The following ABTB3 variants were observed in gnomAD, a reference collection of about 807,000 sequenced individuals.
ABTB3 encodes ankyrin repeat- and BTB/POZ domain-containing protein 3.
the ABTB3 span, among the ~76,000 whole-genome samples, chr12:107,512,577 T>C: frequency 6.6e-6 from 1 of 152,200 alleles, no homozygotes. Context: ...GATCCAGCTG[T>C]CTATGTATGA....
chr12:107,433,247 G>A, the ABTB3 span, among the ~76,000 whole-genome samples: 18 of 132,120 alleles, frequency 1.4e-4, no homozygotes, highest in African/African-American at 4.4e-4. Context: ...CCGAGATTGC[G>A]CCACTGCAGT....
At chr12:107,615,264 A>G in the ABTB3 span, 7 of 853,714 alleles carry the variant, frequency 8.2e-6, no homozygotes, top group Non-Finnish European at 1.1e-5. Flanking sequence ...AGACATTCAT[A>G]TTGGTTAACT....
the ABTB3 span, chr12:107,319,770 GC>G: frequency 6.8e-7 from 1 of 1,478,442 alleles, no homozygotes; most frequent in Non-Finnish European, 9.0e-7. Flanking sequence ...CCGAGCTCGG[GC>G]CCTGGTGCGG....
chr12:107,518,840 A>G, the ABTB3 span, among the ~76,000 whole-genome samples: 10 of 141,696 alleles, frequency 7.1e-5, no homozygotes, highest in Non-Finnish European at 1.2e-4. Flanking sequence ...CAAATACTTA[A>G]TACTTGTTCT....
chr12:107,512,460 G>C, the ABTB3 span, among the ~76,000 whole-genome samples: 2 of 152,186 alleles, frequency 1.3e-5, no homozygotes, highest in Non-Finnish European at 2.9e-5. Flanking sequence ...GAGGTTAATG[G>C]TATTTCAGCA....
chr12:107,450,429 A>G, the ABTB3 span, among the ~76,000 whole-genome samples: 453 of 152,280 alleles, frequency 3.0e-3, 2 homozygotes, highest in Non-Finnish European at 5.5e-3. Context: ...GATGGAGTGC[A>G]GAAGCTTCTA....
the ABTB3 span, among the ~76,000 whole-genome samples, chr12:107,609,216 G>A: frequency 2.0e-5 from 3 of 152,194 alleles, no homozygotes; most frequent in Non-Finnish European, 2.9e-5. Flanking sequence ...GGGCCCCAAG[G>A]CAGGGATGGT....
chr12:107,318,708 G>A, the ABTB3 span: 1 of 492,332 alleles, frequency 2.0e-6, no homozygotes, highest in East Asian at 3.2e-5. Flanking sequence ...GCTCCCCATT[G>A]CGCCCAGCTC....
chr12:107,634,408 C>T, the ABTB3 span, among the ~76,000 whole-genome samples: 1 of 151,110 alleles, frequency 6.6e-6, no homozygotes, highest in Non-Finnish European at 1.5e-5. Context: ...TCTGTCAATC[C>T]AAATATATTT....
the ABTB3 span, among the ~76,000 whole-genome samples, chr12:107,514,224 C>G: frequency 6.6e-6 from 1 of 152,342 alleles, no homozygotes; most frequent in African/African-American, 2.4e-5. Flanking sequence ...TGCTCTACCC[C>G]ACCTTGCCGC....
the ABTB3 span, among the ~76,000 whole-genome samples, chr12:107,605,247 G>T: frequency 4.6e-5 from 7 of 152,162 alleles, no homozygotes. Context: ...GGCACTGATG[G>T]GTATACAATA....
At chr12:107,512,324 C>A in the ABTB3 span, among the ~76,000 whole-genome samples, 3 of 152,168 alleles carry the variant, frequency 2.0e-5, no homozygotes, top group Admixed American at 6.5e-5. Context: ...TCCTTATTTA[C>A]ACATGGGCTG....
chr12:107,373,975 C>T, the ABTB3 span, among the ~76,000 whole-genome samples: 5 of 152,296 alleles, frequency 3.3e-5, no homozygotes, highest in African/African-American at 1.2e-4. Flanking sequence ...GAGGACTTTC[C>T]GGTGGAACTG....
At chr12:107,520,022 G>A in the ABTB3 span, among the ~76,000 whole-genome samples, 4 of 151,990 alleles carry the variant, frequency 2.6e-5, no homozygotes, top group Admixed American at 6.5e-5. Flanking sequence ...GTAACAGCCC[G>A]ACCATCCAGA....
the ABTB3 span, among the ~76,000 whole-genome samples, chr12:107,352,787 G>T: frequency 6.6e-6 from 1 of 152,164 alleles, no homozygotes; most frequent in Non-Finnish European, 1.5e-5. Flanking sequence ...TGTGGGCAGA[G>T]AAGAGATGGG....
At chr12:107,423,897 T>C in the ABTB3 span, among the ~76,000 whole-genome samples, 1 of 152,236 alleles carries the variant, frequency 6.6e-6, no homozygotes, top group East Asian at 1.9e-4. Context: ...CTCACTTCCC[T>C]GAGTTGTTTT....
At chr12:107,335,655 A>C in the ABTB3 span, among the ~76,000 whole-genome samples, 2 of 152,314 alleles carry the variant, frequency 1.3e-5, no homozygotes, top group Non-Finnish European at 2.9e-5. Flanking sequence ...CTGGCATCCC[A>C]TGAGGCTCTG....
At chr12:107,501,742 G>T in the ABTB3 span, among the ~76,000 whole-genome samples, 2 of 151,880 alleles carry the variant, frequency 1.3e-5, no homozygotes, top group Admixed American at 6.6e-5. Flanking sequence ...GTGTGAGTTT[G>T]CCTGTTCTGG....
the ABTB3 span, among the ~76,000 whole-genome samples, chr12:107,486,181 G>A: frequency 6.6e-6 from 1 of 152,126 alleles, no homozygotes; most frequent in Admixed American, 6.5e-5. Flanking sequence ...TTCTGCAGGG[G>A]CAGGGGAGTT....
Sources: allele counts gnomAD v4.1 joint callset (sites outside exome capture counted in the v4.1 genomes callset), GRCh38; gene constraint gnomAD v4.1.1; transcripts MANE v1.5; gene names NCBI Gene and HGNC (gene_info 2026-07-23, HGNC 2026-07-21).